Variants in ZNF292 observed in about 807,000 individuals in gnomAD.
The protein encoded by ZNF292 is 16 zinc-finger domain protein.
In ZNF292, 26 loss-of-function variants were observed where a neutral mutation model predicts 217.9. The ratio of observed to expected loss-of-function variants is 0.12; its 90% CI spans 0.09 to 0.17. ZNF292 has a LOEUF of 0.17. ZNF292 is among the 10% of genes least tolerant of loss of function. The pLI, the probability that ZNF292 is intolerant of heterozygous loss-of-function variation, is 1.00. For missense variants in ZNF292, 2,904 were observed against 3,175.2 expected (o/e 0.91, Z 2.05); for synonymous variants, 1,257 against 1,124.1 (o/e 1.12, Z -2.37).
In ZNF292 at chr6:87,260,953, G is replaced by A; in HGVS notation, c.7324G>A (p.Glu2442Lys). 2 of 1,610,542 alleles carry A rather than the reference G, an allele frequency of 1.2e-6. No homozygotes were observed. Among genetic ancestry groups the A allele is most frequent in the Non-Finnish European group, 1.7e-6 (2 of 1,178,198 alleles). ...ACAAGTAAAGGAAACGTCTGAGCAA[G>A]AAGGTGCTAAGAATGATGTGAAAGA... ...NSQVKETSEQEGAKNDVKDSD... is the reference protein window; with the variant it reads ...NSQVKETSEQKGAKNDVKDSD... Residue 2442 changes from glutamate to lysine, a missense_variant, in exon 8 of 8, where the codon GAA becomes AAA. Around this residue, in one of 15 missense-constraint regions of ZNF292, gnomAD observed 380 missense variants for 355.3 expected, o/e 1.07. Coordinates refer to ENST00000369577, the MANE Select transcript of ZNF292 (RefSeq NM_015021.3).
Position 87,261,350 on chromosome 6 carries a change from T to C in ZNF292, c.7721T>C (p.Ile2574Thr), listed in dbSNP as rs114321262. Residue 2574 changes from isoleucine to threonine, a missense_variant, in exon 8 of 8, where the codon ATT becomes ACT. By Grantham distance (89) the Ile-to-Thr change is moderately conservative. Transcript: ENST00000369577. ...EEETAVAIQT[I>T]EEHPASFDWS... Reference sequence around the variant, plus strand: ...GAAACTGCTGTTGCCATTCAAACCATTGAGGAGCATCCTGCATCTTTTGAC... The same window carrying C: ...GAAACTGCTGTTGCCATTCAAACCACTGAGGAGCATCCTGCATCTTTTGAC... The C allele has an allele frequency of 6.5e-4, 1,043 of 1,613,380 alleles. 3 individuals carry two copies. In the African/African-American group the frequency reaches 0.012, roughly 19 times the overall value.
chr6:87,261,924 A>C lies in ZNF292; in HGVS notation c.*123A>C. The C allele has an allele frequency of 1.7e-5, 12 of 720,048 alleles. No homozygotes were observed. Among genetic ancestry groups the C allele is most frequent in the South Asian group, 4.2e-5 (1 of 23,566 alleles). 44.6% of individuals were successfully genotyped at this position (720,048 alleles called of 1,614,324 possible). On this transcript the variant is annotated 3_prime_UTR_variant, in exon 8 of 8. Coordinates refer to ENST00000369577, the MANE Select transcript of ZNF292 (RefSeq NM_015021.3). ...TGTTGACATGAATTAACCTGGCCAA[A>C]AACAAAAAAGAAAAAAAAAACATGA...
At chr6:87,228,078 A>T (rs962694291) in intron 4 of ZNF292, among the ~76,000 whole-genome samples, 3 of 152,206 alleles carry the variant, frequency 2.0e-5, no homozygotes, top group Non-Finnish European at 4.4e-5. Context: ...CGAAGGTTCC[A>T]GTTAATCCAC....
chr6:87,225,576 C>G (rs1773305584), intron 4 of ZNF292, among the ~76,000 whole-genome samples: 1 of 152,110 alleles, frequency 6.6e-6, no homozygotes, highest in Non-Finnish European at 1.5e-5. Flanking sequence ...TTAGTGAATT[C>G]ATCTTGGCTC....
chr6:87,231,188 T>A (rs1256703872), intron 4 of ZNF292, among the ~76,000 whole-genome samples: 1 of 152,234 alleles, frequency 6.6e-6, no homozygotes, highest in East Asian at 1.9e-4. Flanking sequence ...CTGAATTGAG[T>A]GTAAACCACT....
Position 87,259,855 on chromosome 6 carries a change from C to A in ZNF292, c.6226C>A (p.Gln2076Lys). 1 of 1,613,144 alleles carries A rather than the reference C, an allele frequency of 6.2e-7. No homozygotes were observed. The highest frequency in any genetic ancestry group is 8.5e-7 in the Non-Finnish European group (1 of 1,179,512). Residue 2076 changes from glutamine to lysine, a missense_variant, in exon 8 of 8, where the codon CAA becomes AAA. Coordinates refer to ENST00000369577, the MANE Select transcript of ZNF292 (RefSeq NM_015021.3). ...QCNTNALTNTQTKGRKIRRHK... is the reference protein window; with the variant it reads ...QCNTNALTNTKTKGRKIRRHK... Reference sequence around the variant, plus strand: ...TAATACAAATGCACTCACAAACACACAAACCAAAGGACGGAAGATTAGGAG... The same window carrying A: ...TAATACAAATGCACTCACAAACACAAAAACCAAAGGACGGAAGATTAGGAG...
chr6:87,265,742 A>C lies in ZNF292; in HGVS notation c.*3941A>C, dbSNP rs371734556. Among the ~76,000 whole-genome samples the C allele has an allele frequency of 6.6e-6, 1 of 152,220 alleles. No homozygotes were observed. Among genetic ancestry groups the C allele is most frequent in the East Asian group, 1.9e-4 (1 of 5,198 alleles). On this transcript the variant is annotated 3_prime_UTR_variant, in exon 8 of 8. Coordinates refer to ENST00000369577, the MANE Select transcript of ZNF292 (RefSeq NM_015021.3). The stretch of plus-strand genomic sequence containing the variant: ...ATTTATTCAACCAGGACTGATAATC[A>C]ACGTGTACACCAATTCAATTGTATC...
chr6:87,221,827 C>G (rs1335158634), intron 4 of ZNF292, among the ~76,000 whole-genome samples: 1 of 151,990 alleles, frequency 6.6e-6, no homozygotes, highest in Non-Finnish European at 1.5e-5. Context: ...CATCTGTACT[C>G]TAAATATGAT....
At chr6:87,234,231 CAG>C (rs1431104663) in intron 5 of ZNF292, among the ~76,000 whole-genome samples, 1 of 152,104 alleles carries the variant, frequency 6.6e-6, no homozygotes, top group East Asian at 1.9e-4. Flanking sequence ...GATCAAGAAA[CAG>C]GGCGTGTATA....
chr6:87,217,983 T>C (rs183168558), intron 3 of ZNF292, among the ~76,000 whole-genome samples: 1 of 152,268 alleles, frequency 6.6e-6, no homozygotes, highest in African/African-American at 2.4e-5. Flanking sequence ...TTCATAGAAA[T>C]TCTCAATAAA....
chr6:87,163,266 A>G lies in ZNF292; in HGVS notation c.168+7507A>G, dbSNP rs149074049. Among the ~76,000 whole-genome samples, 339 of 152,248 alleles carry G rather than the reference A, an allele frequency of 2.2e-3. 1 individual carries two copies. Among genetic ancestry groups the G allele is most frequent in the African/African-American group, 7.5e-3 (313 of 41,550 alleles). On this transcript the variant is annotated intron_variant, in intron 1 of 7. Coordinates refer to ENST00000369577, the MANE Select transcript of ZNF292 (RefSeq NM_015021.3). ...GGAGAGCGAGACCATCCTGGCTAAC[A>G]TGGTGAAACCCCGTCTCTACTAAAA...
At chr6:87,184,981 CCCTA>C (rs1211181516) in intron 1 of ZNF292, among the ~76,000 whole-genome samples, 6 of 152,308 alleles carry the variant, frequency 3.9e-5, no homozygotes, top group African/African-American at 1.4e-4. Flanking sequence ...GTCAGATCTT[CCCTA>C]CCTAGTCCAC....
chr6:87,248,941 T>C (rs1417331803), intron 7 of ZNF292, among the ~76,000 whole-genome samples: 1 of 152,246 alleles, frequency 6.6e-6, no homozygotes, highest in Non-Finnish European at 1.5e-5. Context: ...AGTAGCTCCA[T>C]GTTGCTAGTG....
intron 7 of ZNF292, among the ~76,000 whole-genome samples, chr6:87,253,529 C>T (rs528407934): frequency 6.6e-6 from 1 of 152,188 alleles, no homozygotes; most frequent in East Asian, 1.9e-4. Context: ...CGCACCCAGC[C>T]TAACCTATCA....
chr6:87,216,473 A>C, intron 3 of ZNF292, 96 bp downstream of exon 3: 2 of 842,784 alleles, frequency 2.4e-6, no homozygotes, highest in Non-Finnish European at 3.7e-6. Flanking sequence ...AAGACATCTC[A>C]ATAATGACAG....
chr6:87,254,600 G>C, intron 7 of ZNF292, 50 bp from the exon 8 acceptor site: 1 of 1,445,584 alleles, frequency 6.9e-7, no homozygotes, highest in Non-Finnish European at 9.4e-7. Context: ...AAATAAATTA[G>C]TGTTGATTAG....
chr6:87,195,100 T>C lies in ZNF292; in HGVS notation c.169-20803T>C, dbSNP rs1196313961. Among the ~76,000 whole-genome samples, 3 of 152,166 alleles carry C rather than the reference T, an allele frequency of 2.0e-5. No individual in the cohort carries two copies. In the East Asian group the frequency reaches 5.8e-4, roughly 29 times the overall value. On this transcript the variant is annotated intron_variant, in intron 1 of 7. Coordinates refer to ENST00000369577, the MANE Select transcript of ZNF292 (RefSeq NM_015021.3). ...ATTTTAAATGATAAAATCACAAAAA[T>C]CTCCATTGTAAACAGGTTACAGATA... is the stretch of plus-strand genomic sequence containing the variant.
intron 1 of ZNF292, among the ~76,000 whole-genome samples, chr6:87,156,354 G>C (rs1308081368): frequency 6.6e-6 from 1 of 152,236 alleles, no homozygotes; most frequent in Non-Finnish European, 1.5e-5. Context: ...AGTTGAGCTA[G>C]ACGTTCGGGA....
At chr6:87,222,416 C>T (rs62439538) in intron 4 of ZNF292, among the ~76,000 whole-genome samples, 16,377 of 152,046 alleles carry the variant, frequency 0.11, 939 homozygotes, top group Middle Eastern at 0.17. Context: ...GGTGAAAGAC[C>T]ATAACAAGTG....
Sources: gnomAD v4.1 joint callset for allele counts (sites outside exome capture counted in the v4.1 genomes callset) on GRCh38, gnomAD v4.1.1 for gene constraint, gnomAD v4.1.1 regional missense constraint, MANE v1.5 for transcripts, NCBI Gene and HGNC (gene_info 2026-07-23, HGNC 2026-07-21) for gene names.